PKD1L1: variants seen among roughly 807,000 people sequenced by gnomAD.
PKD1L1 encodes the protein polycystin-1-like protein 1.
A neutral mutation model predicts 323.4 loss-of-function variants in PKD1L1; 236 were observed. That is an observed-to-expected ratio of 0.73 (90% CI 0.66 to 0.81). The LOEUF is 0.81. Among genes scored for constraint, PKD1L1 ranks in the 40% least tolerant of loss-of-function variants. PKD1L1 has a pLI of 0.00. For missense variants in PKD1L1, 3,320 were observed against 3,508.0 expected (o/e 0.95, Z 1.35); for synonymous variants, 1,344 against 1,335.0 (o/e 1.01, Z -0.15).
chr7:47,870,224 C>T (rs975386912), intron 24 of PKD1L1, among the ~76,000 whole-genome samples: 3 of 150,498 alleles, frequency 2.0e-5, no homozygotes, highest in Non-Finnish European at 1.5e-5. Flanking sequence ...AAGTACAAGG[C>T]GGGGAAAAAA....
chr7:47,922,095 G>A (rs1057054192), intron 7 of PKD1L1, among the ~76,000 whole-genome samples: 31 of 152,330 alleles, frequency 2.0e-4, no homozygotes, highest in African/African-American at 7.5e-4. Flanking sequence ...GTATTTTTTG[G>A]TGGAGACGGG....
Position 47,840,644 on chromosome 7 carries a change from G to C in PKD1L1, c.5446-77C>G. 8.7e-7 allele frequency: 1 copy of C among 1,147,810 alleles called. No individual in the cohort carries two copies. Among genetic ancestry groups the C allele is most frequent in the Non-Finnish European group, 1.3e-6 (1 of 773,348 alleles). 71.1% of individuals were successfully genotyped at this position (1,147,810 alleles called of 1,614,324 possible). ...ATGCAATGCTGGGCAGGGCTTCCTCGCACTTTCTCCCAGCGTCCCACCCTT... is the reference window on the plus strand; with the variant it reads ...ATGCAATGCTGGGCAGGGCTTCCTCCCACTTTCTCCCAGCGTCCCACCCTT... On this transcript the variant is annotated intron_variant, in intron 34 of 56. Transcript: ENST00000289672. This position sits in a 1 kb window ranked among gnomAD's most constrained non-coding sequence, Gnocchi z 4.1.
At chr7:47,877,064 A>G (rs1786421418) in intron 22 of PKD1L1, among the ~76,000 whole-genome samples, 1 of 152,104 alleles carries the variant, frequency 6.6e-6, no homozygotes, top group African/African-American at 2.4e-5. Flanking sequence ...CAAAATCACA[A>G]TGGTCTTCTC....
chr7:47,800,749 T>C lies in PKD1L1; in HGVS notation c.8093A>G (p.Gln2698Arg), dbSNP rs1276630153. 3 of 1,614,192 alleles carry C rather than the reference T, an allele frequency of 1.9e-6. No homozygotes were observed. The highest frequency in any genetic ancestry group is 2.5e-6 in the Non-Finnish European group (3 of 1,180,030). Residue 2698 changes from glutamine (Q) to arginine (R), a missense_variant, in exon 54 of 57, where the codon CAA becomes CGA. Coordinates refer to ENST00000289672, the MANE Select transcript of PKD1L1 (RefSeq NM_138295.5). Reference protein sequence around the residue: ...GLLFHFPRRSQKDCLLGLSKS... With the variant: ...GLLFHFPRRSRKDCLLGLSKS... ...GGAAAGGCCAAGGAGGCAGTCTTTT[T>C]GGCTTCTTCTGGGAAAATGAAACAG...
chr7:47,812,105 T>C (rs754012378), intron 49 of PKD1L1, 54 bp from the exon 50 acceptor site: 1 of 1,431,870 alleles, frequency 7.0e-7, no homozygotes, highest in Non-Finnish European at 9.6e-7. Context: ...GGCACAGAAG[T>C]CTACTGAGGC....
chr7:47,924,542 T>G (rs1787621415), intron 7 of PKD1L1, among the ~76,000 whole-genome samples: 1 of 152,212 alleles, frequency 6.6e-6, no homozygotes. Context: ...AAACACAAAC[T>G]AAGCAATGGC....
chr7:47,804,257 T>C (rs1295645107), intron 52 of PKD1L1, among the ~76,000 whole-genome samples: 1 of 152,264 alleles, frequency 6.6e-6, no homozygotes, highest in South Asian at 2.1e-4. Context: ...GAATGGGGGA[T>C]GAATGGGGCT....
rs1786994778 is a variant in PKD1L1, at chr7:47,897,968, C to T, written c.2271+20G>A. On this transcript the variant is annotated intron_variant, in intron 14 of 56. Coordinates refer to ENST00000289672, the MANE Select transcript of PKD1L1 (RefSeq NM_138295.5). ...CATGGGTTTCATTGGGCCAGTAGAGCAGTAAGTCAGCCAGCTGACCTTGGC... is the reference window on the plus strand; with the variant it reads ...CATGGGTTTCATTGGGCCAGTAGAGTAGTAAGTCAGCCAGCTGACCTTGGC... 1.3e-6 allele frequency: 2 copies of T among 1,580,454 alleles called. No homozygotes were observed. Among genetic ancestry groups the T allele is most frequent in the African/African-American group, 1.3e-5 (1 of 74,296 alleles).
chr7:47,863,280 T>C (rs1335720320), intron 26 of PKD1L1, among the ~76,000 whole-genome samples: 1 of 151,958 alleles, frequency 6.6e-6, no homozygotes, highest in Non-Finnish European at 1.5e-5. Context: ...CCATGCTGGG[T>C]CTGTGCAGTT....
chr7:47,914,492 A>G (rs1259063510), intron 8 of PKD1L1, among the ~76,000 whole-genome samples: 1 of 152,210 alleles, frequency 6.6e-6, no homozygotes, highest in Non-Finnish European at 1.5e-5. Context: ...AGGGGTCTTC[A>G]TAGGCAAGGC....
chr7:47,878,481 A>C (rs1205088707), intron 21 of PKD1L1, among the ~76,000 whole-genome samples: 2 of 152,226 alleles, frequency 1.3e-5, no homozygotes, highest in African/African-American at 4.8e-5. Flanking sequence ...GGTACCATCT[A>C]TTGAGCCTCT....
intron 51 of PKD1L1, 22 bp downstream of exon 51, chr7:47,809,450 GA>G: frequency 2.0e-6 from 3 of 1,482,366 alleles, no homozygotes; most frequent in Admixed American, 2.2e-5. Flanking sequence ...TTTTTCAAAA[GA>G]AAATGACACA....
chr7:47,937,791 T>A (rs1046052123), intron 3 of PKD1L1, among the ~76,000 whole-genome samples: 1 of 151,948 alleles, frequency 6.6e-6, no homozygotes, highest in East Asian at 1.9e-4. Flanking sequence ...CTGTGCACAC[T>A]GAGAGCTTAG....
intron 17 of PKD1L1, 76 bp from the exon 18 acceptor site, chr7:47,886,130 T>C (rs1314709434): frequency 8.0e-6 from 12 of 1,502,448 alleles, no homozygotes; most frequent in Middle Eastern, 1.9e-4. Flanking sequence ...CTACAGACTA[T>C]GTAAGGATGC....
chr7:47,895,937 A>T, intron 14 of PKD1L1, among the ~76,000 whole-genome samples: 1 of 152,090 alleles, frequency 6.6e-6, no homozygotes, highest in East Asian at 1.9e-4. Flanking sequence ...AGGGGAGAAA[A>T]ATCCTGTGGC....
chr7:47,853,888 G>A (rs1785840140), intron 30 of PKD1L1, among the ~76,000 whole-genome samples: 1 of 152,014 alleles, frequency 6.6e-6, no homozygotes, highest in Non-Finnish European at 1.5e-5. Context: ...GGTTAGGGAG[G>A]GGCACTGCAG....
intron 34 of PKD1L1, among the ~76,000 whole-genome samples, chr7:47,842,530 C>T (rs1292462209): frequency 6.6e-6 from 1 of 152,206 alleles, no homozygotes; most frequent in Non-Finnish European, 1.5e-5. Flanking sequence ...CGCGGCACCC[C>T]TGCTCCACTG....
intron 11 of PKD1L1, among the ~76,000 whole-genome samples, 173 bp downstream of exon 11, chr7:47,904,984 C>T (rs1160035482): frequency 6.6e-5 from 10 of 152,220 alleles, no homozygotes; most frequent in East Asian, 1.9e-4. Context: ...GAGAAATGAA[C>T]GAAATCTTCC....
chr7:47,790,912 T>G (rs945112053), intron 56 of PKD1L1, among the ~76,000 whole-genome samples: 2 of 152,022 alleles, frequency 1.3e-5, no homozygotes, highest in African/African-American at 4.8e-5. Context: ...TTTGTTTTTT[T>G]CTTTGGAGAG....
Sources: allele counts gnomAD v4.1 joint callset (sites outside exome capture counted in the v4.1 genomes callset), GRCh38; gene constraint gnomAD v4.1.1; non-coding constraint Gnocchi (gnomAD v3.1); transcripts MANE v1.5; gene names NCBI Gene and HGNC (gene_info 2026-07-23, HGNC 2026-07-21).